The following SMIM45 variants were observed in gnomAD, a reference collection of about 807,000 sequenced individuals.
SMIM45 encodes the protein small integral membrane protein 45.
At chr22:41,947,151 G>C in the SMIM45 span, 7 of 1,460,364 alleles carry the variant, frequency 4.8e-6, no homozygotes, top group Non-Finnish European at 6.6e-6. Flanking sequence ...AGCCCCTAGA[G>C]CGCGGCCTGG....
chr22:41,957,077 A>G, the SMIM45 span, among the ~76,000 whole-genome samples: 3 of 150,588 alleles, frequency 2.0e-5, no homozygotes, highest in African/African-American at 7.3e-5. Context: ...CACTGTGCCC[A>G]GCCTAAGACT....
At chr22:41,950,430 G>C in the SMIM45 span, among the ~76,000 whole-genome samples, 52 of 152,322 alleles carry the variant, frequency 3.4e-4, 1 homozygote, top group East Asian at 9.6e-3. Context: ...CCAGGTGGTG[G>C]CTCACGCCTG....
the SMIM45 span, among the ~76,000 whole-genome samples, chr22:41,948,208 C>G: frequency 3.3e-5 from 5 of 152,182 alleles, no homozygotes; most frequent in Non-Finnish European, 5.9e-5. Context: ...GTATGTCCAG[C>G]ACTCTAAAAG....
chr22:41,954,295 C>T, the SMIM45 span, among the ~76,000 whole-genome samples: 1 of 151,052 alleles, frequency 6.6e-6, no homozygotes. Flanking sequence ...CAAACTCCGC[C>T]TCCCAGGCTC....
the SMIM45 span, among the ~76,000 whole-genome samples, chr22:41,948,546 A>G: frequency 6.6e-6 from 1 of 152,172 alleles, no homozygotes. Context: ...CCCTCAGCAC[A>G]GATACGGCTT....
At chr22:41,950,918 G>A in the SMIM45 span, among the ~76,000 whole-genome samples, 1 of 152,224 alleles carries the variant, frequency 6.6e-6, no homozygotes, top group African/African-American at 2.4e-5. Flanking sequence ...CTTGAACCCG[G>A]GAGGTAGAGG....
At chr22:41,948,689 G>A in the SMIM45 span, among the ~76,000 whole-genome samples, 2 of 152,104 alleles carry the variant, frequency 1.3e-5, no homozygotes, top group African/African-American at 2.4e-5. Context: ...AGACCGAGGC[G>A]GGTGAATCAC....
At chr22:41,946,960 T>G in the SMIM45 span, 1 of 1,557,468 alleles carries the variant, frequency 6.4e-7, no homozygotes, top group Non-Finnish European at 8.8e-7. Context: ...GTTGACCTAG[T>G]GGCTGAAGCA....
chr22:41,956,461 C>G, the SMIM45 span, among the ~76,000 whole-genome samples: 1 of 152,226 alleles, frequency 6.6e-6, no homozygotes, highest in Admixed American at 6.5e-5. Flanking sequence ...TGTTTGTTCA[C>G]TACACTTTCA....
At chr22:41,953,484 G>A in the SMIM45 span, among the ~76,000 whole-genome samples, 2 of 152,192 alleles carry the variant, frequency 1.3e-5, no homozygotes, top group African/African-American at 4.8e-5. Context: ...CCACTTTCCA[G>A]TTGGGTAAGC....
the SMIM45 span, among the ~76,000 whole-genome samples, chr22:41,948,008 G>A: frequency 1.3e-5 from 2 of 152,150 alleles, no homozygotes; most frequent in Non-Finnish European, 2.9e-5. Flanking sequence ...CATCTTTCAA[G>A]GTTCCTTGCT....
the SMIM45 span, chr22:41,958,176 C>CT: frequency 2.1e-5 from 8 of 380,618 alleles, no homozygotes; most frequent in Non-Finnish European, 3.2e-5. Context: ...GCCCCAGTGC[C>CT]TTTGCGCTGC....
chr22:41,957,336 G>A, the SMIM45 span, among the ~76,000 whole-genome samples: 1 of 151,252 alleles, frequency 6.6e-6, no homozygotes, highest in African/African-American at 2.4e-5. Flanking sequence ...TGGGACTACA[G>A]GCATGCGCCA....
At chr22:41,955,506 TA>T in the SMIM45 span, among the ~76,000 whole-genome samples, 1 of 151,192 alleles carries the variant, frequency 6.6e-6, no homozygotes, top group African/African-American at 2.4e-5. Flanking sequence ...ATTGTCTTGT[TA>T]AAACTGCAAA....
At chr22:41,948,977 A>T in the SMIM45 span, among the ~76,000 whole-genome samples, 1 of 152,178 alleles carries the variant, frequency 6.6e-6, no homozygotes, top group Non-Finnish European at 1.5e-5. Flanking sequence ...TGGTAGGAGA[A>T]TCGCTTGAAC....
the SMIM45 span, among the ~76,000 whole-genome samples, chr22:41,953,067 A>G: frequency 6.6e-6 from 1 of 152,122 alleles, no homozygotes; most frequent in East Asian, 1.9e-4. Context: ...CCCTGGCTGC[A>G]CTAGTCACTT....
At chr22:41,952,957 T>TA in the SMIM45 span, among the ~76,000 whole-genome samples, 1 of 152,122 alleles carries the variant, frequency 6.6e-6, no homozygotes, top group Non-Finnish European at 1.5e-5. Flanking sequence ...GCTCCTTCCC[T>TA]ACCTTCACCA....
chr22:41,950,038 C>T, the SMIM45 span, among the ~76,000 whole-genome samples: 3,585 of 150,594 alleles, frequency 0.024, 67 homozygotes, highest in Non-Finnish European at 0.033. Context: ...CTGTGAGAGA[C>T]GGGGGATTCC....
the SMIM45 span, among the ~76,000 whole-genome samples, chr22:41,949,227 A>G: frequency 6.6e-6 from 1 of 150,898 alleles, no homozygotes; most frequent in African/African-American, 2.5e-5. Context: ...CCTGGGTGAC[A>G]TGTGAGACTC....
Sources: allele counts gnomAD v4.1 joint callset (sites outside exome capture counted in the v4.1 genomes callset), GRCh38; gene constraint gnomAD v4.1.1; transcripts MANE v1.5; gene names NCBI Gene and HGNC (gene_info 2026-07-23, HGNC 2026-07-21).